Variants in SMYD3 observed in about 807,000 individuals in gnomAD.
SMYD3 encodes the protein histone-lysine N-methyltransferase SMYD3.
SMYD3 carries 36 observed loss-of-function variants against 57.7 expected under a neutral mutation model. The observed-to-expected ratio is 0.62, with a 90% CI of 0.48 to 0.82. The LOEUF (loss-of-function observed/expected upper bound fraction) is 0.82. SMYD3 is among the 40% of genes least tolerant of loss of function. The pLI, the probability that SMYD3 is intolerant of heterozygous loss-of-function variation, is 0.00. For synonymous variants in SMYD3, 211 were observed against 195.0 expected (o/e 1.08, Z -0.68); for missense variants, 515 against 538.8 (o/e 0.96, Z 0.44).
intron 5 of SMYD3, among the ~76,000 whole-genome samples, chr1:246,299,682 G>A (rs1446640252): frequency 1.3e-5 from 2 of 152,134 alleles, no homozygotes; most frequent in Admixed American, 6.5e-5. Context: ...GGTATCCTTT[G>A]CAAGAACATG....
At chr1:246,238,793 T>C (rs917251828) in intron 5 of SMYD3, among the ~76,000 whole-genome samples, 3 of 152,158 alleles carry the variant, frequency 2.0e-5, no homozygotes, top group Non-Finnish European at 4.4e-5. Flanking sequence ...AAATAGCTTA[T>C]ATCCATGCAT....
At chr1:246,446,657 A>G (rs1444009223) in intron 1 of SMYD3, among the ~76,000 whole-genome samples, 1 of 152,208 alleles carries the variant, frequency 6.6e-6, no homozygotes, top group East Asian at 1.9e-4. Context: ...GATGAATTTT[A>G]GGAACCTATG....
intron 7 of SMYD3, among the ~76,000 whole-genome samples, chr1:245,926,053 G>A (rs2056349286): frequency 6.6e-6 from 1 of 152,160 alleles, no homozygotes. Context: ...CCTTCTTGCT[G>A]CCTGATAACA....
intron 5 of SMYD3, among the ~76,000 whole-genome samples, chr1:246,160,224 T>C (rs1160971152): frequency 6.6e-6 from 1 of 152,234 alleles, no homozygotes. Flanking sequence ...CACTCACATT[T>C]ATAGGAAGTG....
At chr1:246,284,164 C>T (rs2064508037) in intron 5 of SMYD3, among the ~76,000 whole-genome samples, 1 of 152,150 alleles carries the variant, frequency 6.6e-6, no homozygotes, top group South Asian at 2.1e-4. Flanking sequence ...TCAGATGCTG[C>T]ATATCAGCTA....
intron 5 of SMYD3, among the ~76,000 whole-genome samples, chr1:246,107,258 G>A (rs1032500441): frequency 1.3e-5 from 2 of 151,680 alleles, no homozygotes; most frequent in African/African-American, 2.4e-5. Flanking sequence ...CTGCACTCCA[G>A]CCTGGGTGAC....
intron 1 of SMYD3, among the ~76,000 whole-genome samples, chr1:246,462,611 A>G (rs577399741): frequency 2.0e-5 from 3 of 152,290 alleles, no homozygotes; most frequent in East Asian, 1.9e-4. Context: ...CCATCAGGCC[A>G]TCTGGTATAG....
intron 5 of SMYD3, among the ~76,000 whole-genome samples, chr1:246,179,944 A>C (rs1322508903): frequency 2.6e-5 from 4 of 152,096 alleles, no homozygotes. Flanking sequence ...TGTTCTTCAA[A>C]GGTGGGGACC....
chr1:246,036,314 A>T (rs2059770628), intron 5 of SMYD3, among the ~76,000 whole-genome samples: 1 of 152,110 alleles, frequency 6.6e-6, no homozygotes, highest in African/African-American at 2.4e-5. Flanking sequence ...CCTTAAGGAG[A>T]TTTTAAACTT....
intron 10 of SMYD3, among the ~76,000 whole-genome samples, chr1:245,780,909 C>A (rs894445038): frequency 6.6e-6 from 1 of 152,134 alleles, no homozygotes; most frequent in Non-Finnish European, 1.5e-5. Flanking sequence ...ATGTAAACTA[C>A]TCAGCAATAA....
At chr1:245,934,882 T>C (rs12120419) in intron 5 of SMYD3, among the ~76,000 whole-genome samples, 97,199 of 152,136 alleles carry the variant, frequency 0.64, 33,082 homozygotes, top group Non-Finnish European at 0.78. Context: ...CAAAGGCCCA[T>C]GCTCACGACT....
intron 5 of SMYD3, among the ~76,000 whole-genome samples, chr1:246,008,539 T>C (rs905498835): frequency 1.3e-5 from 2 of 152,192 alleles, no homozygotes; most frequent in African/African-American, 4.8e-5. Flanking sequence ...GCTGTAAGAA[T>C]GCCATGACTA....
intron 5 of SMYD3, among the ~76,000 whole-genome samples, chr1:246,317,651 T>C (rs998794258): frequency 1.3e-5 from 2 of 152,220 alleles, no homozygotes; most frequent in African/African-American, 4.8e-5. Flanking sequence ...ACGATAAGCA[T>C]GTGAGGTAAT....
chr1:246,394,072 C>T (rs998318406), intron 1 of SMYD3, among the ~76,000 whole-genome samples: 8 of 152,158 alleles, frequency 5.3e-5, no homozygotes, highest in Non-Finnish European at 1.0e-4. Flanking sequence ...TCTGGTGTCA[C>T]ATCCTAATAA....
At position 246,214,384 on chromosome 1, in the gene SMYD3, A is replaced by C. The variant is rs949761782; in HGVS notation, c.531+112817T>G. Reference sequence around the variant, plus strand: ...AATGGTAAACCAAGCATGGCAAGATATCTCAAAGGAAAAATGAACAGAACT... The same window carrying C: ...AATGGTAAACCAAGCATGGCAAGATCTCTCAAAGGAAAAATGAACAGAACT... On this transcript the variant is annotated intron_variant, in intron 5 of 11. Transcript: ENST00000490107. Among the ~76,000 whole-genome samples, 3 of 152,204 alleles carry C rather than the reference A, an allele frequency of 2.0e-5. No homozygotes were observed. In the East Asian group the frequency reaches 5.8e-4, roughly 29 times the overall value.
chr1:245,823,944 C>T (rs1302497009), intron 10 of SMYD3, among the ~76,000 whole-genome samples: 1 of 152,190 alleles, frequency 6.6e-6, no homozygotes, highest in Non-Finnish European at 1.5e-5. Context: ...CCCGAAGGCA[C>T]CGCACGCAGG....
chr1:245,925,085 C>G (rs1481844148), intron 7 of SMYD3, among the ~76,000 whole-genome samples: 1 of 152,138 alleles, frequency 6.6e-6, no homozygotes, highest in African/African-American at 2.4e-5. Flanking sequence ...TTCTGACACT[C>G]AGATCCCAAA....
rs1395487730 is a variant in SMYD3 at position 245,889,209 on chromosome 1, T to A, written c.814-25323A>T. On this transcript the variant is annotated intron_variant, in intron 8 of 11. Transcript: ENST00000490107. ...GGACCAAAAGCATAAGCCTTCAAGTTCACTGTTGAGCCCGATTAACAGATA... is the reference window on the plus strand; with the variant it reads ...GGACCAAAAGCATAAGCCTTCAAGTACACTGTTGAGCCCGATTAACAGATA... Among the ~76,000 whole-genome samples, 12 of 152,326 alleles carry A rather than the reference T, an allele frequency of 7.9e-5. No homozygotes were observed. In the East Asian group the frequency reaches 2.3e-3, roughly 29 times the overall value.
rs527552672 is a variant in SMYD3 at position 246,058,500 on chromosome 1, AAAT to A, written c.532-128566_532-128564del. Among the ~76,000 whole-genome samples the A allele has an allele frequency of 1.6e-3, 250 of 152,372 alleles. 2 individuals are homozygous for A. The highest frequency in any genetic ancestry group is 5.5e-3 in the African/African-American group (229 of 41,592). On this transcript the variant is annotated intron_variant, in intron 5 of 11. Coordinates refer to ENST00000490107, the MANE Select transcript of SMYD3 (RefSeq NM_001167740.2). ...ACCTGAAGCAGCACGTTATCTTACG[AAAT>A]AATAAATGATTCATTTATCTTTGGC...
Sources: allele counts gnomAD v4.1 joint callset (sites outside exome capture counted in the v4.1 genomes callset), GRCh38; gene constraint gnomAD v4.1.1; transcripts MANE v1.5; gene names NCBI Gene and HGNC (gene_info 2026-07-23, HGNC 2026-07-21).